Variants in TNFSF4 observed in about 807,000 individuals in gnomAD.
TNFSF4 encodes TNF superfamily member 4.
In TNFSF4, 4 loss-of-function variants were observed where a neutral mutation model predicts 7.3. The ratio of observed to expected loss-of-function variants is 0.55; its 90% CI spans 0.27 to 1.25. The LOEUF (loss-of-function observed/expected upper bound fraction) is 1.25. TNFSF4 is among the 50% of genes most tolerant of loss of function. The probability of loss-of-function intolerance (pLI) is 0.12; values close to 1 mark genes in which losing one functional copy is unlikely to be tolerated. For missense variants in TNFSF4, 181 were observed against 208.8 expected, an observed-to-expected ratio of 0.87 and a Z score of 0.82; for synonymous variants, 76 against 83.7, an observed-to-expected ratio of 0.91 and a Z score of 0.50.
chr1:173,182,120 A>C (rs866483815), downstream of TNFSF4, among the ~76,000 whole-genome samples: 140 of 152,334 alleles, frequency 9.2e-4, 1 homozygote, highest in African/African-American at 3.2e-3. Context: ...TTCTGAACTT[A>C]ATAAGCTCTG....
rs370223609 is a variant in TNFSF4 at position 173,203,310 on chromosome 1, T to C, written c.153+3714A>G. The stretch of plus-strand genomic sequence containing the variant: ...CCCCCAAATTCAATGATTCTATATG[T>C]TTAATACCTCCTTTAGAAGCCTCAA... On this transcript the variant is annotated intron_variant, in intron 1 of 2. Transcript: ENST00000281834. 2.3e-4 allele frequency among the ~76,000 whole-genome samples: 35 copies of C among 152,268 alleles called. 1 individual carries two copies. The South Asian group carries it at 7.1e-3, about 31-fold the overall frequency.
At chr1:173,375,530 T>C in the TNFSF4 span, among the ~76,000 whole-genome samples, 1 of 152,122 alleles carries the variant, frequency 6.6e-6, no homozygotes, top group Non-Finnish European at 1.5e-5. Flanking sequence ...GTAGCTAGCA[T>C]TGTAAAACTC....
At chr1:173,282,973 G>A in the TNFSF4 span, among the ~76,000 whole-genome samples, 5 of 152,108 alleles carry the variant, frequency 3.3e-5, no homozygotes, top group East Asian at 1.9e-4. Flanking sequence ...AAAGATGCAG[G>A]CATCAACTGG....
At chr1:173,448,420 T>C in the TNFSF4 span, among the ~76,000 whole-genome samples, 175 of 152,312 alleles carry the variant, frequency 1.1e-3, no homozygotes, top group Non-Finnish European at 2.0e-3. Context: ...ATCTTTTTCA[T>C]GCGCGTCCAT....
At chr1:173,250,603 G>T in the TNFSF4 span, among the ~76,000 whole-genome samples, 2 of 152,100 alleles carry the variant, frequency 1.3e-5, no homozygotes, top group Admixed American at 6.5e-5. Flanking sequence ...GGGACTACAG[G>T]CGACTGCCAC....
intron 1 of TNFSF4, among the ~76,000 whole-genome samples, chr1:173,195,695 G>A (rs1354006771): frequency 6.6e-6 from 1 of 152,200 alleles, no homozygotes; most frequent in Non-Finnish European, 1.5e-5. Context: ...CCTGGTGAAG[G>A]GTATCTGTGG....
chr1:173,430,294 A>C, the TNFSF4 span, among the ~76,000 whole-genome samples: 2 of 152,268 alleles, frequency 1.3e-5, no homozygotes, highest in African/African-American at 2.4e-5. Context: ...CACAGAATTC[A>C]CAACTGCCTT....
chr1:173,302,513 T>A, the TNFSF4 span, among the ~76,000 whole-genome samples: 1 of 151,820 alleles, frequency 6.6e-6, no homozygotes, highest in South Asian at 2.1e-4. Flanking sequence ...GTTTTATAGA[T>A]GAGAAAACCA....
chr1:173,355,997 C>T, the TNFSF4 span, among the ~76,000 whole-genome samples: 1 of 152,322 alleles, frequency 6.6e-6, no homozygotes, highest in South Asian at 2.1e-4. Context: ...ACTATGCTGG[C>T]CAAGGAAAAC....
the TNFSF4 span, among the ~76,000 whole-genome samples, chr1:173,284,917 A>T: frequency 6.6e-6 from 1 of 152,202 alleles, no homozygotes; most frequent in Non-Finnish European, 1.5e-5. Context: ...CTAACACAAC[A>T]TTTATTCTGC....
chr1:173,319,944 T>C, the TNFSF4 span, among the ~76,000 whole-genome samples: 1 of 152,158 alleles, frequency 6.6e-6, no homozygotes, highest in African/African-American at 2.4e-5. Flanking sequence ...AGAATGCCTC[T>C]TCTCCTCCAA....
chr1:173,230,087 T>C, the TNFSF4 span, among the ~76,000 whole-genome samples: 1 of 152,070 alleles, frequency 6.6e-6, no homozygotes, highest in Non-Finnish European at 1.5e-5. Flanking sequence ...GAAGACCCAA[T>C]AGACATCTAC....
chr1:173,294,793 G>T, the TNFSF4 span, among the ~76,000 whole-genome samples: 1 of 151,944 alleles, frequency 6.6e-6, no homozygotes, highest in South Asian at 2.1e-4. Context: ...GGAACCTGTG[G>T]ATACAGAGGG....
At chr1:173,225,924 C>A in the TNFSF4 span, among the ~76,000 whole-genome samples, 5 of 152,134 alleles carry the variant, frequency 3.3e-5, no homozygotes, top group African/African-American at 1.2e-4. Flanking sequence ...AATCATCCTA[C>A]TAGAAAATAT....
the TNFSF4 span, among the ~76,000 whole-genome samples, chr1:173,425,855 A>T: frequency 6.6e-6 from 1 of 152,214 alleles, no homozygotes; most frequent in East Asian, 1.9e-4. Flanking sequence ...CTCTTGATGA[A>T]TTTTTCACAC....
the TNFSF4 span, among the ~76,000 whole-genome samples, chr1:173,221,520 G>A: frequency 6.6e-6 from 1 of 152,202 alleles, no homozygotes; most frequent in African/African-American, 2.4e-5. Flanking sequence ...TACTGGATTA[G>A]ATACGGTAAG....
At chr1:173,210,728 G>GC (rs1172947611), upstream of TNFSF4, among the ~76,000 whole-genome samples, 10 of 152,138 alleles carry the variant, frequency 6.6e-5, 1 homozygote, top group South Asian at 2.1e-3. Context: ...ATAATTCTAG[G>GC]GGGGGGAAAA....
At chr1:173,240,163 C>T in the TNFSF4 span, among the ~76,000 whole-genome samples, 3 of 152,142 alleles carry the variant, frequency 2.0e-5, no homozygotes, top group Non-Finnish European at 4.4e-5. Flanking sequence ...ATTCCTTCCT[C>T]CCTACCTTTT....
At chr1:173,216,611 A>AT in the TNFSF4 span, among the ~76,000 whole-genome samples, 1 of 151,986 alleles carries the variant, frequency 6.6e-6, no homozygotes, top group East Asian at 1.9e-4. Context: ...ATGAGCCATG[A>AT]TTTTCTCTCT....
Sources: allele counts gnomAD v4.1 joint callset (sites outside exome capture counted in the v4.1 genomes callset), GRCh38; gene constraint gnomAD v4.1.1; transcripts MANE v1.5; gene names NCBI Gene and HGNC (gene_info 2026-07-23, HGNC 2026-07-21).